The following DDX49 variants were observed in gnomAD, a reference collection of about 807,000 sequenced individuals.
DDX49 encodes DEAD-box helicase 49.
A neutral mutation model predicts 56.3 loss-of-function variants in DDX49; 50 were observed. The observed-to-expected ratio is 0.89, with a 90% CI of 0.71 to 1.12. The LOEUF (loss-of-function observed/expected upper bound fraction) is 1.12, where lower values mean the gene tolerates loss of function less well. Among genes scored for constraint, DDX49 ranks in the 50% most tolerant of loss-of-function variants. The pLI is 0.00. For missense variants in DDX49, 614 were observed against 650.5 expected, an observed-to-expected ratio of 0.94 and a Z score of 0.61; for synonymous variants, 269 against 270.6, an observed-to-expected ratio of 0.99 and a Z score of 0.06.
Position 18,919,896 on chromosome 19 carries a change from C to A in DDX49, c.115+40C>A, listed in dbSNP as rs377153707. 3.6e-6 allele frequency: 5 copies of A among 1,403,130 alleles called. No individual in the cohort carries two copies. The African/African-American group carries it at 5.7e-5, about 16-fold the overall frequency. 86.9% of individuals were successfully genotyped at this position (1,403,130 alleles called of 1,614,324 possible). On this transcript the variant is annotated intron_variant, in intron 1 of 12. Transcript: ENST00000247003. ...GGGCCTTCCCCAAGAGGCCTCTCCGCTCCTCTCGACTCCTTTCCCTTCTCG... is the reference window on the plus strand; with the variant it reads ...GGGCCTTCCCCAAGAGGCCTCTCCGATCCTCTCGACTCCTTTCCCTTCTCG...
chr19:18,922,149 T>C, intron 4 of DDX49, 177 bp from the exon 5 acceptor site: 1 of 1,148,778 alleles, frequency 8.7e-7, no homozygotes, highest in South Asian at 1.5e-5. Context: ...GTCCTAGCAA[T>C]GTTATTCGGG....
chr19:18,927,640 C>A, intron 10 of DDX49, 126 bp from the exon 11 acceptor site: 1 of 746,924 alleles, frequency 1.3e-6, no homozygotes. Flanking sequence ...TCAGCTGACC[C>A]TTACCTGATA....
intron 10 of DDX49, among the ~76,000 whole-genome samples, chr19:18,927,268 TC>T (rs560674253): frequency 1.6e-3 from 249 of 151,820 alleles, no homozygotes; most frequent in African/African-American, 5.7e-3. Flanking sequence ...CGCCCGTAGT[TC>T]CAACTACTCA....
chr19:18,919,905 A>C, intron 1 of DDX49, 49 bp downstream of exon 1: 2 of 1,381,440 alleles, frequency 1.4e-6, no homozygotes, highest in Non-Finnish European at 2.0e-6. Flanking sequence ...GCTCCTCTCG[A>C]CTCCTTTCCC....
In DDX49 at chr19:18,928,508, C is replaced by G. The variant is rs2056984509; in HGVS notation, c.*192C>G. 3.4e-6 allele frequency: 2 copies of G among 592,180 alleles called. No homozygotes were observed. The highest frequency in any genetic ancestry group is 6.0e-5 in the East Asian group (2 of 33,302). The allele number at this position is 592,180 out of a possible 1,614,324, so 36.7% of individuals were successfully genotyped here. A position where few individuals can be genotyped will look rare whatever the true frequency, so the allele number is the denominator to read the frequency against. Reference sequence around the variant, plus strand: ...GGCTGGTCCCTTCCCTGAGCCCTGGCCAAGATTCAGGCTGCAGGGGAAGAA... The same window carrying G: ...GGCTGGTCCCTTCCCTGAGCCCTGGGCAAGATTCAGGCTGCAGGGGAAGAA... On this transcript the variant is annotated 3_prime_UTR_variant, in exon 13 of 13. Transcript: ENST00000247003.
In DDX49 at chr19:18,928,325, C is replaced by T. The variant is rs370567695; in HGVS notation, c.*9C>T. 1.1e-4 allele frequency: 165 copies of T among 1,521,620 alleles called. No individual in the cohort carries two copies. The South Asian group carries it at 1.1e-3, about 11-fold the overall frequency. The allele number at this position is 1,521,620 out of a possible 1,614,324, so 94.3% of individuals were successfully genotyped here. A position where few individuals can be genotyped will look rare whatever the true frequency, so the allele number is the denominator to read the frequency against. ...CCCAGGGCCTGGTCTGAGCCCCACA[C>T]GGCCATCTGCCCAGTCCTTGACTCG... On this transcript the variant is annotated 3_prime_UTR_variant, in exon 13 of 13. Coordinates refer to ENST00000247003, the MANE Select transcript of DDX49 (RefSeq NM_019070.5).
intron 2 of DDX49, 47 bp from the exon 3 acceptor site, chr19:18,921,616 G>A: frequency 1.3e-6 from 2 of 1,573,800 alleles, no homozygotes; most frequent in South Asian, 1.1e-5. Context: ...ATGGGGGGCA[G>A]GTCCAGAACC....
At chr19:18,921,613 G>A (rs1219157910) in intron 2 of DDX49, 50 bp from the exon 3 acceptor site, 11 of 1,547,652 alleles carry the variant, frequency 7.1e-6, no homozygotes, top group African/African-American at 1.4e-5. Context: ...GGAATGGGGG[G>A]CAGGTCCAGA....
In DDX49 at chr19:18,922,524, A is replaced by C; in HGVS notation, c.635+11A>C. On this transcript the variant is annotated intron_variant, in intron 5 of 12. Coordinates refer to ENST00000247003, the MANE Select transcript of DDX49 (RefSeq NM_019070.5). ...GGAAGCACAGGCCCCGTGAGTCCAC[A>C]GCCCAGACAGCGTGGGGAGGGCAGC... The C allele has an allele frequency of 6.3e-7, 1 of 1,597,686 alleles. No individual in the cohort carries two copies. The highest frequency in any genetic ancestry group is 8.5e-7 in the Non-Finnish European group (1 of 1,172,830).
At chr19:18,919,909 C>T (rs2056900175) in intron 1 of DDX49, 53 bp downstream of exon 1, 1 of 1,357,954 alleles carries the variant, frequency 7.4e-7, no homozygotes, top group Admixed American at 2.2e-5. Context: ...CTCTCGACTC[C>T]TTTCCCTTCT....
chr19:18,926,845 G>T (rs1320830662), intron 10 of DDX49, among the ~76,000 whole-genome samples: 6 of 152,084 alleles, frequency 3.9e-5, no homozygotes, highest in Non-Finnish European at 5.9e-5. Flanking sequence ...GGCCGAGGTG[G>T]GCGGATCACT....
At chr19:18,919,983 G>A in intron 1 of DDX49, 127 bp downstream of exon 1, 1 of 669,700 alleles carries the variant, frequency 1.5e-6, no homozygotes, top group Non-Finnish European at 2.4e-6. Flanking sequence ...CAGGAGATCC[G>A]GGGTTCCGGA....
chr19:18,925,222 C>T, intron 9 of DDX49: 1 of 392,518 alleles, frequency 2.5e-6, no homozygotes, highest in South Asian at 3.0e-5. Context: ...TATTGCACCC[C>T]AGCCTGGGCA....
At chr19:18,921,148 A>G (rs573546039) in intron 2 of DDX49, among the ~76,000 whole-genome samples, 3 of 152,052 alleles carry the variant, frequency 2.0e-5, no homozygotes, top group Non-Finnish European at 4.4e-5. Context: ...TCTCAAAAAA[A>G]AAAAAAAGAA....
chr19:18,919,900 TCTCGA>T (rs770685401), intron 1 of DDX49, 44 bp downstream of exon 1: 2 of 1,408,790 alleles, frequency 1.4e-6, no homozygotes, highest in Non-Finnish European at 9.8e-7. Flanking sequence ...TCTCCGCTCC[TCTCGA>T]CTCCTTTCCC....
rs1349600241 is a variant in DDX49, at chr19:18,921,865, GCT to G, written c.354_355del (p.Arg119GlufsTer23). On this transcript the variant is annotated frameshift_variant, in exon 4 of 13. Transcript: ENST00000247003. LOFTEE classifies it high-confidence loss of function. ...GMDMVAQALE[L>X]SRKPHVVIAT... ...CAGACATGGTGGCCCAGGCGCTGGAGCTCTCTCGGAAACCACACGTGGTCATC... is the reference window on the plus strand; with the variant it reads ...CAGACATGGTGGCCCAGGCGCTGGAGCTCTCGGAAACCACACGTGGTCATC... 2 of 1,614,022 alleles carry G rather than the reference GCT, an allele frequency of 1.2e-6. No homozygotes were observed. The highest frequency in any genetic ancestry group is 2.7e-5 in the African/African-American group (2 of 75,072).
chr19:18,926,723 A>G (rs1446136441), intron 10 of DDX49, among the ~76,000 whole-genome samples: 3 of 152,184 alleles, frequency 2.0e-5, no homozygotes, highest in Admixed American at 6.6e-5. Context: ...CAGCCAAGAC[A>G]GAGACACTTC....
At chr19:18,920,365 G>A (rs139365572) in intron 1 of DDX49, among the ~76,000 whole-genome samples, 1 of 152,206 alleles carries the variant, frequency 6.6e-6, no homozygotes, top group Admixed American at 6.5e-5. Context: ...GGGAGCACAA[G>A]ATGCATATGA....
In DDX49 at chr19:18,922,727, C is replaced by T; in HGVS notation, c.759C>T (p.Ile253=). The T allele has an allele frequency of 6.2e-7, 1 of 1,613,504 alleles. No individual in the cohort carries two copies. The highest frequency in any genetic ancestry group is 8.5e-7 in the Non-Finnish European group (1 of 1,179,772). The change falls in exon 6 of 13, where the codon ATC becomes ATT. Residue 253 remains isoleucine, a synonymous_variant. Transcript: ENST00000247003. ...QDEHEDWSII[I]FTNTCKTCQI... ...AGCACGAGGACTGGTCCATTATCAT[C>T]TTCACCAACACGTGCAAGTGAGCGG...
Sources: allele counts gnomAD v4.1 joint callset (sites outside exome capture counted in the v4.1 genomes callset), GRCh38; gene constraint gnomAD v4.1.1; transcripts MANE v1.5; gene names NCBI Gene and HGNC (gene_info 2026-07-23, HGNC 2026-07-21).